PEX14: variants seen among roughly 807,000 people sequenced by gnomAD.
The protein encoded by PEX14 is peroxisomal biogenesis factor 14, also known as peroxisomal membrane protein PEX14.
PEX14 carries 15 observed loss-of-function variants against 49.5 expected under a neutral mutation model. The ratio of observed to expected loss-of-function variants is 0.30; its 90% confidence interval spans 0.20 to 0.47. The LOEUF (loss-of-function observed/expected upper bound fraction) is 0.47. Among genes scored for constraint, PEX14 ranks in the 20% least tolerant of loss-of-function variants. The pLI is 1.00. For missense variants in PEX14, 398 were observed against 494.8 expected, an observed-to-expected ratio of 0.80 and a Z score of 1.86; for synonymous variants, 210 against 212.7, an observed-to-expected ratio of 0.99 and a Z score of 0.11.
chr1:10,502,354 T>C (rs1641696853), intron 2 of PEX14, among the ~76,000 whole-genome samples: 1 of 152,152 alleles, frequency 6.6e-6, no homozygotes, highest in African/African-American at 2.4e-5. Context: ...TCATACTGTT[T>C]CTGGGTGGTT....
chr1:10,521,177 CCTTTT>C lies in PEX14; in HGVS notation c.85-15025_85-15021del, dbSNP rs770271893. On this transcript the variant is annotated intron_variant, in intron 2 of 8. Transcript: ENST00000356607. ...TATTTCTTGCTGTTTTCTATTCTCT[CCTTTT>C]CTTTTCTTTTTCTCTCTTATCTTTT... is the stretch of plus-strand genomic sequence containing the variant. Among the ~76,000 whole-genome samples the C allele has an allele frequency of 1.1e-3, 168 of 151,822 alleles. 2 individuals carry two copies. The highest frequency in any genetic ancestry group is 3.8e-3 in the African/African-American group (159 of 41,424).
At chr1:10,496,579 A>G (rs1641568946) in intron 2 of PEX14, among the ~76,000 whole-genome samples, 1 of 151,926 alleles carries the variant, frequency 6.6e-6, no homozygotes, top group African/African-American at 2.4e-5. Flanking sequence ...TGATGTACCC[A>G]TTTAACTGGT....
chr1:10,507,290 C>T (rs1481405117), intron 2 of PEX14, among the ~76,000 whole-genome samples: 9 of 152,248 alleles, frequency 5.9e-5, no homozygotes, highest in South Asian at 2.1e-4. Flanking sequence ...GTGTGGACCG[C>T]GCTGTCAGGC....
chr1:10,510,659 A>G (rs1641866195), intron 2 of PEX14, among the ~76,000 whole-genome samples: 1 of 152,192 alleles, frequency 6.6e-6, no homozygotes, highest in Non-Finnish European at 1.5e-5. Context: ...GGTTGGGCAT[A>G]TACCGTATTG....
At chr1:10,491,974 C>T (rs1022973284) in intron 1 of PEX14, among the ~76,000 whole-genome samples, 13 of 152,164 alleles carry the variant, frequency 8.5e-5, no homozygotes, top group Non-Finnish European at 1.5e-4. Context: ...TGAGCCACTG[C>T]ACCCGGCCGG....
chr1:10,561,919 T>C (rs1639662888), intron 3 of PEX14, among the ~76,000 whole-genome samples: 1 of 152,224 alleles, frequency 6.6e-6, no homozygotes, highest in South Asian at 2.1e-4. Context: ...AGTGCTATAA[T>C]CTATTATTGT....
chr1:10,586,933 G>A (rs114433481), intron 3 of PEX14, among the ~76,000 whole-genome samples: 2,086 of 151,904 alleles, frequency 0.014, 46 homozygotes, highest in African/African-American at 0.046. Flanking sequence ...AATGCTTTCC[G>A]TATTATCCCA....
chr1:10,572,282 C>G (rs1029433885), intron 3 of PEX14, among the ~76,000 whole-genome samples: 1 of 152,098 alleles, frequency 6.6e-6, no homozygotes, highest in Non-Finnish European at 1.5e-5. Context: ...GTAATCATAC[C>G]CTTACCTTAA....
chr1:10,509,651 G>A (rs1050684055), intron 2 of PEX14, among the ~76,000 whole-genome samples: 6 of 152,110 alleles, frequency 3.9e-5, no homozygotes, highest in Admixed American at 3.9e-4. Flanking sequence ...AATGCCGGCT[G>A]GAGGAACGCT....
chr1:10,576,312 T>C (rs1260577310), intron 3 of PEX14, among the ~76,000 whole-genome samples: 1 of 152,180 alleles, frequency 6.6e-6, no homozygotes, highest in Non-Finnish European at 1.5e-5. Context: ...CAGTAACAGC[T>C]AACATGTATT....
chr1:10,552,772 C>T (rs1035194455), intron 3 of PEX14, among the ~76,000 whole-genome samples: 2 of 151,984 alleles, frequency 1.3e-5, no homozygotes, highest in Admixed American at 6.6e-5. Context: ...GGGGGGAGAG[C>T]GATCAGTTTT....
chr1:10,563,966 C>T (rs532703164), intron 3 of PEX14, among the ~76,000 whole-genome samples: 12 of 151,374 alleles, frequency 7.9e-5, no homozygotes, highest in Middle Eastern at 6.9e-3. Context: ...TGTCATCTTT[C>T]AGTCTTGTTA....
chr1:10,557,448 T>C (rs1392447742), intron 3 of PEX14, among the ~76,000 whole-genome samples: 1 of 152,124 alleles, frequency 6.6e-6, no homozygotes, highest in Non-Finnish European at 1.5e-5. Flanking sequence ...TAGCCAGCTG[T>C]GGTGGCGGGC....
chr1:10,494,807 AG>A lies in PEX14; in HGVS notation c.37-466del, dbSNP rs1641529137. On this transcript the variant is annotated intron_variant, in intron 1 of 8. Coordinates refer to ENST00000356607, the MANE Select transcript of PEX14 (RefSeq NM_004565.3). This position sits in a 1 kb window ranked among gnomAD's most constrained non-coding sequence, Gnocchi z 4.3. ...AACTAGATGCCCAGAGAAAATCCTG[AG>A]CGTGGGCAGCTGGGGCCCCCTGGTG... 6.6e-6 allele frequency among the ~76,000 whole-genome samples: 1 copy of A among 152,288 alleles called. No individual in the cohort carries two copies. Among genetic ancestry groups the A allele is most frequent in the East Asian group, 1.9e-4 (1 of 5,174 alleles).
intron 3 of PEX14, among the ~76,000 whole-genome samples, chr1:10,564,263 C>T (rs974932226): frequency 6.6e-6 from 1 of 152,020 alleles, no homozygotes; most frequent in African/African-American, 2.4e-5. Flanking sequence ...TTTCCATGTT[C>T]TTTATGTCTT....
At chr1:10,523,085 G>C (rs1022920628) in intron 2 of PEX14, among the ~76,000 whole-genome samples, 1 of 151,886 alleles carries the variant, frequency 6.6e-6, no homozygotes, top group African/African-American at 2.4e-5. Flanking sequence ...GAATTTTTTT[G>C]TTTGCTTTTC....
intron 3 of PEX14, among the ~76,000 whole-genome samples, chr1:10,567,654 C>T (rs1020634877): frequency 1.3e-5 from 2 of 152,014 alleles, no homozygotes; most frequent in Admixed American, 1.3e-4. Context: ...ACCACCACGC[C>T]GGGCTAATTT....
chr1:10,622,169 A>G (rs1374632386), intron 5 of PEX14, among the ~76,000 whole-genome samples: 1 of 152,146 alleles, frequency 6.6e-6, no homozygotes, highest in Non-Finnish European at 1.5e-5. Flanking sequence ...ACCAGTTGCC[A>G]GCCCTGCCCT....
rs140063254 is a variant in PEX14 at position 10,484,948 on chromosome 1, C to T, written c.36+9946C>T. 2.5e-4 allele frequency among the ~76,000 whole-genome samples: 38 copies of T among 151,822 alleles called. 1 individual carries two copies. Among genetic ancestry groups the T allele is most frequent in the African/African-American group, 8.0e-4 (33 of 41,120 alleles). ...TATCTCACCCACATTAATGCAGTCA[C>T]GTACATGCTGTCACCTTTGCCATAT... On this transcript the variant is annotated intron_variant, in intron 1 of 8. Transcript: ENST00000356607.
Sources: gnomAD v4.1 joint callset for allele counts (sites outside exome capture counted in the v4.1 genomes callset) on GRCh38, gnomAD v4.1.1 for gene constraint, Gnocchi (gnomAD v3.1) non-coding constraint, MANE v1.5 for transcripts, NCBI Gene and HGNC (gene_info 2026-07-23, HGNC 2026-07-21) for gene names.